Variants in RBM44 observed in about 807,000 individuals in gnomAD.
RBM44 encodes RNA-binding protein 44.
RBM44 carries 66 observed loss-of-function variants against 105.1 expected under a neutral mutation model. That is an observed-to-expected ratio of 0.63 (90% CI 0.52 to 0.77). RBM44 has a LOEUF of 0.77. RBM44 is among the 30% of genes least tolerant of loss of function. The pLI is 0.00. For missense variants in RBM44, 1,122 were observed against 1,207.8 expected, an observed-to-expected ratio of 0.93 and a Z score of 1.05; for synonymous variants, 365 against 417.6, an observed-to-expected ratio of 0.87 and a Z score of 1.54.
chr2:237,831,766 T>C (rs2061905335), intron 13 of RBM44, among the ~76,000 whole-genome samples: 1 of 152,210 alleles, frequency 6.6e-6, no homozygotes, highest in Non-Finnish European at 1.5e-5. Context: ...TCTTTACTAC[T>C]TTACCTGTTT....
At chr2:237,804,910 G>A (rs1263511477) in intron 1 of RBM44, among the ~76,000 whole-genome samples, 2 of 152,146 alleles carry the variant, frequency 1.3e-5, no homozygotes, top group Non-Finnish European at 2.9e-5. Context: ...GCAGAAGCTC[G>A]AACTATTCCT....
chr2:237,813,797 G>A (rs1044721476), intron 2 of RBM44, 115 bp downstream of exon 2: 3 of 653,508 alleles, frequency 4.6e-6, no homozygotes, highest in South Asian at 3.8e-5. Context: ...CTCTAAGGTG[G>A]TAAGACTCAG....
chr2:237,837,084 T>G (rs1250403975), intron 15 of RBM44, among the ~76,000 whole-genome samples: 2 of 152,202 alleles, frequency 1.3e-5, no homozygotes, highest in Non-Finnish European at 2.9e-5. Flanking sequence ...CCCAGGCTGG[T>G]TTACTGAATC....
intron 1 of RBM44, among the ~76,000 whole-genome samples, chr2:237,812,448 A>C (rs1212996351): frequency 6.6e-6 from 1 of 152,118 alleles, no homozygotes; most frequent in African/African-American, 2.4e-5. Context: ...AATTTATTTT[A>C]ATTATCAAAG....
chr2:237,809,081 A>G (rs1485307984), intron 1 of RBM44, among the ~76,000 whole-genome samples: 4 of 152,192 alleles, frequency 2.6e-5, no homozygotes, highest in Non-Finnish European at 5.9e-5. Flanking sequence ...CCTTAATAAC[A>G]CAATGTATGA....
Position 237,839,853 on chromosome 2 carries a change from A to G in RBM44, c.*23-1986A>G, listed in dbSNP as rs1310490446. Among the ~76,000 whole-genome samples, 3 of 152,310 alleles carry G rather than the reference A, an allele frequency of 2.0e-5. No individual in the cohort carries two copies. The East Asian group carries it at 5.8e-4, about 29-fold the overall frequency. ...TATCAAAAGAGTGAAAAGGCAGCCC[A>G]TAGAATGAGAAAATATTTATAAATC... On this transcript the variant is annotated intron_variant, in intron 15 of 15. Transcript: ENST00000316997.
intron 10 of RBM44, among the ~76,000 whole-genome samples, chr2:237,826,931 T>A (rs2150985197): frequency 6.6e-6 from 1 of 152,190 alleles, no homozygotes; most frequent in Admixed American, 6.6e-5. Context: ...CTAGAACCAG[T>A]CCCCCAGGGA....
chr2:237,819,626 C>G (rs577041736), intron 4 of RBM44, among the ~76,000 whole-genome samples: 3 of 151,958 alleles, frequency 2.0e-5, no homozygotes, highest in Non-Finnish European at 2.9e-5. Flanking sequence ...CCTCCAAAAA[C>G]TACTAATACT....
At position 237,798,835 on chromosome 2, in the gene RBM44, C is replaced by T. The variant is rs11677011; in HGVS notation, c.-45C>T. 0.045 allele frequency: 6,917 copies of T among 153,576 alleles called. 184 individuals are homozygous for T. The highest frequency in any genetic ancestry group is 0.13 in the Middle Eastern group (40 of 302). 9.5% of individuals were successfully genotyped at this position (153,576 alleles called of 1,614,324 possible). A position where few individuals can be genotyped will look rare whatever the true frequency, so the allele number is the denominator to read the frequency against. Reference sequence around the variant, plus strand: ...GGGCGCTGGCCCGTGGAGGCGGCAGCGGCGGCGGCTTTCTAGCGGATCCGA... The same window carrying T: ...GGGCGCTGGCCCGTGGAGGCGGCAGTGGCGGCGGCTTTCTAGCGGATCCGA... On this transcript the variant is annotated 5_prime_UTR_variant, in exon 1 of 16. Transcript: ENST00000316997. The surrounding 1 kb of genome is among the most constrained non-coding windows in gnomAD (Gnocchi z 4.3).
chr2:237,817,057 A>G lies in RBM44; in HGVS notation c.138A>G (p.Lys46=). 6.3e-7 allele frequency: 1 copy of G among 1,596,370 alleles called. No homozygotes were observed. The highest frequency in any genetic ancestry group is 8.5e-7 in the Non-Finnish European group (1 of 1,172,850). The stretch of plus-strand genomic sequence containing the variant: ...CCTCCAATGGTTGTGATGAAGTCAA[A>G]TTGACTTTTCCTGATGATGACTGGA... ...LLSSNGCDEV[K]LTFPDDDWNS... Residue 46 remains lysine, a synonymous_variant, in exon 3 of 16, where the codon AAA becomes AAG. Transcript: ENST00000316997.
chr2:237,835,139 T>A (rs1380999415), intron 15 of RBM44, among the ~76,000 whole-genome samples: 7 of 152,222 alleles, frequency 4.6e-5, no homozygotes, highest in Non-Finnish European at 8.8e-5. Context: ...CTATTGTAAT[T>A]ATTTTGGGGC....
rs772699386 is a variant in RBM44, at chr2:237,817,107, C to G, written c.188C>G (p.Ala63Gly). 1 of 1,608,420 alleles carries G rather than the reference C, an allele frequency of 6.2e-7. No homozygotes were observed. The highest frequency in any genetic ancestry group is 8.5e-7 in the Non-Finnish European group (1 of 1,177,934). ...DWNSSTLEQR[A>G]NNKEISNIDK... ...AATTCTTCGACACTAGAGCAAAGAG[C>G]TAATAATAAAGAAATCAGCAATATT... The change falls in exon 3 of 16, where the codon GCT becomes GGT. Residue 63 changes from alanine (A) to glycine (G), a missense_variant. By Grantham distance (60) the Ala-to-Gly change is moderately conservative. Around this residue, in one of 3 missense-constraint regions of RBM44, gnomAD observed 918 missense variants for 955.3 expected, o/e 0.96. Transcript: ENST00000316997.
At chr2:237,825,151 G>A (rs1323022847) in intron 10 of RBM44, among the ~76,000 whole-genome samples, 2 of 151,850 alleles carry the variant, frequency 1.3e-5, no homozygotes, top group African/African-American at 2.4e-5. Flanking sequence ...ATTTTCTTAT[G>A]CATATATTTA....
At chr2:237,823,387 G>A in intron 8 of RBM44, 53 bp from the exon 9 acceptor site, 2 of 812,050 alleles carry the variant, frequency 2.5e-6, no homozygotes, top group Non-Finnish European at 2.0e-6. Context: ...CACATAGTAA[G>A]AGCATAATAA....
chr2:237,817,007 C>T lies in RBM44; in HGVS notation c.88C>T (p.Pro30Ser). The T allele has an allele frequency of 6.5e-7, 1 of 1,528,912 alleles. No individual in the cohort carries two copies. Among genetic ancestry groups the T allele is most frequent in the Non-Finnish European group, 8.8e-7 (1 of 1,138,168 alleles). 94.7% of individuals were successfully genotyped at this position (1,528,912 alleles called of 1,614,324 possible). Residue 30 changes from proline to serine, a missense_variant, in exon 3 of 16, where the codon CCA (proline) becomes TCA (serine). This residue lies in a region of RBM44 where 918 missense variants were observed against 955.3 expected (regional missense o/e 0.96). Transcript: ENST00000316997. ...TTTTTAATCAGATAAACCTTCAAAT[C>T]CAAAGAAAGAAAATTTGTTATTATC... The part of the protein sequence containing the change: ...GNLQKDKPSN[P>S]KKENLLLSSN...
intron 1 of RBM44, among the ~76,000 whole-genome samples, chr2:237,808,361 G>A (rs928801688): frequency 6.6e-6 from 1 of 151,808 alleles, no homozygotes; most frequent in Non-Finnish European, 1.5e-5. Flanking sequence ...GAGGTGAGAG[G>A]ATCACTTGAG....
chr2:237,831,919 C>G (rs998716352), intron 13 of RBM44, among the ~76,000 whole-genome samples: 4 of 152,108 alleles, frequency 2.6e-5, no homozygotes, highest in Non-Finnish European at 5.9e-5. Context: ...GGGCCCTGAG[C>G]TGGAGGTTTG....
rs1223911457 is a variant in RBM44 at position 237,818,852 on chromosome 2, GA to G, written c.1678-47del. 5 of 1,051,414 alleles carry G rather than the reference GA, an allele frequency of 4.8e-6. No individual in the cohort carries two copies. In the African/African-American group the frequency reaches 8.1e-5, roughly 17 times the overall value. The allele number at this position is 1,051,414 out of a possible 1,614,324, so 65.1% of individuals were successfully genotyped here. ...TTGAATTGTACATTTTATTAGTTTG[GA>G]ATTTCAGATATAACTTTTTTAAATT... On this transcript the variant is annotated intron_variant, in intron 3 of 15. Coordinates refer to ENST00000316997, the MANE Select transcript of RBM44 (RefSeq NM_001080504.3). This position sits in a 1 kb window ranked among gnomAD's most constrained non-coding sequence, Gnocchi z 4.6.
chr2:237,827,858 A>T (rs2061863721), intron 12 of RBM44, among the ~76,000 whole-genome samples: 1 of 152,154 alleles, frequency 6.6e-6, no homozygotes, highest in Non-Finnish European at 1.5e-5. Flanking sequence ...TCTGTCAACA[A>T]CTTGGTTAAT....
Sources: allele counts gnomAD v4.1 joint callset (sites outside exome capture counted in the v4.1 genomes callset), GRCh38; gene constraint gnomAD v4.1.1; regional missense constraint gnomAD v4.1.1; non-coding constraint Gnocchi (gnomAD v3.1); transcripts MANE v1.5; gene names NCBI Gene and HGNC (gene_info 2026-07-23, HGNC 2026-07-21).